Variants in RGSL1 observed in about 807,000 individuals in gnomAD.
RGSL1 encodes regulator of G protein signaling protein-like.
RGSL1 carries 97 observed loss-of-function variants against 124.7 expected under a neutral mutation model. The ratio of observed to expected loss-of-function variants is 0.78; its 90% CI spans 0.66 to 0.92. The LOEUF is 0.92. RGSL1 is among the 40% of genes least tolerant of loss of function. The pLI, the probability that RGSL1 is intolerant of heterozygous loss-of-function variation, is 0.00. For missense variants in RGSL1, 1,233 were observed against 1,288.4 expected, an observed-to-expected ratio of 0.96 and a Z score of 0.66; for synonymous variants, 424 against 438.1, an observed-to-expected ratio of 0.97 and a Z score of 0.40.
At chr1:182,486,137 G>A (rs375400594) in intron 6 of RGSL1, among the ~76,000 whole-genome samples, 2 of 152,108 alleles carry the variant, frequency 1.3e-5, no homozygotes, top group South Asian at 2.1e-4. Context: ...ACATTCTAAC[G>A]AAAAACTATT....
At chr1:182,526,793 T>G (rs1244291220) in intron 10 of RGSL1, among the ~76,000 whole-genome samples, 6 of 152,196 alleles carry the variant, frequency 3.9e-5, no homozygotes, top group Non-Finnish European at 1.5e-5. Context: ...AAGACACATG[T>G]GTGATTTTTA....
At chr1:182,542,544 C>T (rs1276457777) in intron 15 of RGSL1, among the ~76,000 whole-genome samples, 1 of 150,984 alleles carries the variant, frequency 6.6e-6, no homozygotes, top group East Asian at 1.9e-4. Context: ...TTTGACTATT[C>T]AGGGTCTTTT....
At position 182,493,029 on chromosome 1, in the gene RGSL1, T is replaced by C. The variant is rs1655649777; in HGVS notation, c.1725T>C (p.Thr575=). 1 of 1,549,080 alleles carries C rather than the reference T, an allele frequency of 6.5e-7. No homozygotes were observed. Among genetic ancestry groups the C allele is most frequent in the African/African-American group, 1.4e-5 (1 of 72,990 alleles). The part of the protein sequence containing the change: ...LTSPVFLTDI[T]KMSFEELCYK... The stretch of plus-strand genomic sequence containing the variant: ...TTTTTCCTTACTTCACAGACATAAC[T>C]AAAATGTCCTTTGAGGAGCTTTGCT... The change falls in exon 9 of 22, where the codon ACT becomes ACC. Residue 575 remains threonine, a synonymous_variant. Transcript: ENST00000294854.
At chr1:182,537,298 T>G (rs1393096167) in intron 14 of RGSL1, among the ~76,000 whole-genome samples, 3 of 152,172 alleles carry the variant, frequency 2.0e-5, no homozygotes, top group Non-Finnish European at 2.9e-5. Context: ...TAAAATTACC[T>G]TAAGTCTATA....
intron 16 of RGSL1, 49 bp from the exon 17 acceptor site, chr1:182,548,651 G>C: frequency 6.5e-7 from 1 of 1,546,158 alleles, no homozygotes; most frequent in Non-Finnish European, 8.7e-7. Flanking sequence ...GAGGTTTTCT[G>C]CCTTCCCGTG....
intron 4 of RGSL1, among the ~76,000 whole-genome samples, chr1:182,471,709 G>C (rs1457473570): frequency 6.6e-6 from 1 of 152,158 alleles, no homozygotes; most frequent in African/African-American, 2.4e-5. Flanking sequence ...CATTTTGGTG[G>C]GGAGATGGAC....
chr1:182,540,257 AG>A lies in RGSL1; in HGVS notation c.2506del (p.Ala836HisfsTer25). On this transcript the variant is annotated frameshift_variant, in exon 15 of 22. Coordinates refer to ENST00000294854, the MANE Select transcript of RGSL1 (RefSeq NM_001137669.2). LOFTEE classifies it high-confidence loss of function. ...MQNSKENFTT[A>X]HNTSGRSAPP... ...TTCTTTCTCTCTCAGATTTCACCAC[AG>A]CACACAACACATCGGGACGTTCAGC... The A allele has an allele frequency of 6.5e-7, 1 of 1,544,642 alleles. No individual in the cohort carries two copies. The highest frequency in any genetic ancestry group is 8.7e-7 in the Non-Finnish European group (1 of 1,144,638).
chr1:182,464,505 C>A (rs1280391828), intron 4 of RGSL1, among the ~76,000 whole-genome samples: 1 of 152,076 alleles, frequency 6.6e-6, no homozygotes, highest in African/African-American at 2.4e-5. Flanking sequence ...GGGTGGATCA[C>A]CTCAGGTCAG....
In RGSL1 at chr1:182,509,497, C is replaced by T. The variant is rs1293728578; in HGVS notation, c.1826-12507C>T. On this transcript the variant is annotated intron_variant, in intron 9 of 21. Coordinates refer to ENST00000294854, the MANE Select transcript of RGSL1 (RefSeq NM_001137669.2). ...CGGCTGGCCAGGCGGGGGGCTGACC[C>T]CCCCACCTCCCTCCCGGACGGGGCA... 2.6e-4 allele frequency among the ~76,000 whole-genome samples: 22 copies of T among 85,680 alleles called. 2 individuals are homozygous for T. The highest frequency in any genetic ancestry group is 1.1e-3 in the African/African-American group (20 of 18,488). The allele number at this position is 85,680 out of a possible 152,430, so 56.2% of individuals were successfully genotyped here. A position where few individuals can be genotyped will look rare whatever the true frequency, so the allele number is the denominator to read the frequency against.
intron 10 of RGSL1, 94 bp downstream of exon 10, chr1:182,522,203 AGGTTTTC>A: frequency 1.2e-6 from 1 of 827,978 alleles, no homozygotes; most frequent in East Asian, 2.7e-5. Flanking sequence ...TTCTATGTGT[AGGTTTTC>A]AGACCCTTTT....
rs1004370395 is a variant in RGSL1 at position 182,487,970 on chromosome 1, G to A, written c.1432-315G>A. On this transcript the variant is annotated intron_variant, in intron 6 of 21. Coordinates refer to ENST00000294854, the MANE Select transcript of RGSL1 (RefSeq NM_001137669.2). The stretch of plus-strand genomic sequence containing the variant: ...TCAGGGCCATTTTGAGAAAAAATGA[G>A]ATATTACTTTGGAACAGAATGAAAT... 4.6e-5 allele frequency among the ~76,000 whole-genome samples: 7 copies of A among 152,314 alleles called. No individual in the cohort carries two copies. In the South Asian group the frequency reaches 1.4e-3, roughly 32 times the overall value.
At chr1:182,516,814 T>C (rs1420703593) in intron 9 of RGSL1, among the ~76,000 whole-genome samples, 4 of 152,216 alleles carry the variant, frequency 2.6e-5, no homozygotes, top group Non-Finnish European at 4.4e-5. Context: ...ACAGTTTCTG[T>C]AGCTGTTATC....
rs1660387795 is a variant in RGSL1, at chr1:182,548,814, T to C, written c.2923T>C (p.Phe975Leu). Residue 975 changes from phenylalanine to leucine, a missense_variant, in exon 17 of 22, where the codon TTC becomes CTC. Physicochemically the swap from Phe to Leu is conservative, Grantham distance 22. Coordinates refer to ENST00000294854, the MANE Select transcript of RGSL1 (RefSeq NM_001137669.2). Reference sequence around the variant, plus strand: ...GTCTGTCTTCCCCGTTGTTATGTACTTCTGGAAAAGGTAACTGTTTCTCCT... The same window carrying C: ...GTCTGTCTTCCCCGTTGTTATGTACCTCTGGAAAAGGTAACTGTTTCTCCT... ...IMSVFPVVMY[F>L]WKRFCFWKAT... is the part of the protein sequence containing the mutation. 1 of 1,551,636 alleles carries C rather than the reference T, an allele frequency of 6.4e-7. No individual in the cohort carries two copies. Among genetic ancestry groups the C allele is most frequent in the South Asian group, 1.2e-5 (1 of 84,038 alleles).
Position 182,459,107 on chromosome 1 carries a change from A to G in RGSL1, c.171+714A>G, listed in dbSNP as rs989790362. Among the ~76,000 whole-genome samples, 5 of 152,182 alleles carry G rather than the reference A, an allele frequency of 3.3e-5. No individual in the cohort carries two copies. The South Asian group carries it at 1.0e-3, about 31-fold the overall frequency. The stretch of plus-strand genomic sequence containing the variant: ...TGTCTGCAATGGGTGTGGGATGGGA[A>G]GTGGCAGCCCATGGGCCACATAATT... On this transcript the variant is annotated intron_variant, in intron 3 of 21. Transcript: ENST00000294854.
intron 9 of RGSL1, among the ~76,000 whole-genome samples, chr1:182,503,763 A>G (rs1383977076): frequency 6.6e-6 from 1 of 152,154 alleles, no homozygotes; most frequent in Non-Finnish European, 1.5e-5. Context: ...ACATAATTGG[A>G]TTGTTTGTAA....
At chr1:182,498,292 C>T (rs1390637713) in intron 9 of RGSL1, among the ~76,000 whole-genome samples, 1 of 50,092 alleles carries the variant, frequency 2.0e-5, no homozygotes, top group East Asian at 4.2e-4. Flanking sequence ...GTCTCTTGAG[C>T]ATGCTCTTGC....
At chr1:182,525,860 CG>C (rs56062702) in intron 10 of RGSL1, among the ~76,000 whole-genome samples, 131,154 of 151,760 alleles carry the variant, frequency 0.86, 56,980 homozygotes, top group Non-Finnish European at 0.89. Flanking sequence ...ATATTGACCA[CG>C]GGGAAAAAAG....
chr1:182,530,436 G>T, intron 12 of RGSL1, 75 bp downstream of exon 12: 4 of 1,158,350 alleles, frequency 3.5e-6, no homozygotes, highest in African/African-American at 1.6e-5. Flanking sequence ...TGCATCAAGG[G>T]TTTCCTAATC....
chr1:182,538,610 A>G (rs1230253348), intron 14 of RGSL1, among the ~76,000 whole-genome samples: 1 of 152,224 alleles, frequency 6.6e-6, no homozygotes, highest in Non-Finnish European at 1.5e-5. Flanking sequence ...AATATACTAC[A>G]CAAAAGCAAA....
Sources: allele counts gnomAD v4.1 joint callset (sites outside exome capture counted in the v4.1 genomes callset), GRCh38; gene constraint gnomAD v4.1.1; transcripts MANE v1.5; gene names NCBI Gene and HGNC (gene_info 2026-07-23, HGNC 2026-07-21).